Variants in ST8SIA4 observed in about 807,000 individuals in gnomAD.
The protein encoded by ST8SIA4 is ST8 alpha-N-acetyl-neuraminide alpha-2,8-sialyltransferase 4.
Under a neutral mutation model 33.9 loss-of-function variants are expected in ST8SIA4, and 15 were observed. The observed-to-expected ratio is 0.44, with a 90% confidence interval of 0.30 to 0.68. ST8SIA4 has a LOEUF of 0.68. Among genes scored for constraint, ST8SIA4 ranks in the 30% least tolerant of loss-of-function variants. The pLI, the probability that ST8SIA4 is intolerant of heterozygous loss-of-function variation, is 0.10. For missense variants in ST8SIA4, 321 were observed against 428.0 expected, an observed-to-expected ratio of 0.75 and a Z score of 2.21; for synonymous variants, 171 against 151.2, an observed-to-expected ratio of 1.13 and a Z score of -0.96.
Position 100,807,652 on chromosome 5 carries a change from T to C in ST8SIA4, c.*4195A>G, listed in dbSNP as rs1388683238. On this transcript the variant is annotated 3_prime_UTR_variant, in exon 5 of 5. Coordinates refer to ENST00000231461, the MANE Select transcript of ST8SIA4 (RefSeq NM_005668.6). Reference sequence around the variant, plus strand: ...ACATAGAATTCAGTTATAAAGTAGATACCTCTTAAAGCACGTTAGTAACTG... The same window carrying C: ...ACATAGAATTCAGTTATAAAGTAGACACCTCTTAAAGCACGTTAGTAACTG... 2.6e-5 allele frequency: 4 copies of C among 152,540 alleles called. No homozygotes were observed. Among genetic ancestry groups the C allele is most frequent in the Non-Finnish European group, 4.4e-5 (3 of 67,962 alleles). 9.4% of individuals were successfully genotyped at this position (152,540 alleles called of 1,614,324 possible).
In ST8SIA4 at chr5:100,863,748, C is replaced by T. The variant is rs535159162; in HGVS notation, c.504-7352G>A. Among the ~76,000 whole-genome samples the T allele has an allele frequency of 2.0e-4, 30 of 152,236 alleles. 1 individual carries two copies. The East Asian group carries it at 5.6e-3, about 28-fold the overall frequency. ...GAGGTCGCTAAAATGCTATTAATATCTTTAATTTATTTAAATGTAATCTAA... is the reference window on the plus strand; with the variant it reads ...GAGGTCGCTAAAATGCTATTAATATTTTTAATTTATTTAAATGTAATCTAA... On this transcript the variant is annotated intron_variant, in intron 3 of 4. Coordinates refer to ENST00000231461, the MANE Select transcript of ST8SIA4 (RefSeq NM_005668.6).
At chr5:100,888,965 T>C (rs146327383) in intron 2 of ST8SIA4, among the ~76,000 whole-genome samples, 47 of 152,006 alleles carry the variant, frequency 3.1e-4, no homozygotes, top group Middle Eastern at 6.8e-3. Context: ...GAAAATCCTA[T>C]ACAAATGCTC....
At chr5:100,856,511 A>G in intron 3 of ST8SIA4, 115 bp from the exon 4 acceptor site, 2 of 980,392 alleles carry the variant, frequency 2.0e-6, no homozygotes, top group Non-Finnish European at 3.0e-6. Flanking sequence ...TGTGAAAAGA[A>G]AACCAAAAGA....
intron 3 of ST8SIA4, 120 bp from the exon 4 acceptor site, chr5:100,856,516 A>G: frequency 2.1e-6 from 2 of 930,808 alleles, no homozygotes; most frequent in Non-Finnish European, 1.6e-6. Flanking sequence ...AAAGAAAACC[A>G]AAAGATCATC....
intron 3 of ST8SIA4, among the ~76,000 whole-genome samples, chr5:100,870,255 A>T (rs141593467): frequency 0.012 from 1,754 of 152,210 alleles, 32 homozygotes; most frequent in African/African-American, 0.04. Context: ...ATTGATGAAC[A>T]TTTGGGTTGG....
At position 100,811,938 on chromosome 5, in the gene ST8SIA4, G is replaced by A; in HGVS notation, c.989C>T (p.Pro330Leu). ...TTTGAATTCTAATGGCATTCTGTGA[G>A]GGCTTGCATTGGAAAAGTACCTATA... is the stretch of plus-strand genomic sequence containing the variant. The part of the protein sequence containing the change: ...LKYRYFSNAS[P>L]HRMPLEFKTL... Residue 330 changes from proline to leucine, a missense_variant, in exon 5 of 5, where the codon CCT (proline) becomes CTT (leucine). By Grantham distance (98) the Pro-to-Leu change is moderately conservative. Transcript: ENST00000231461. The A allele has an allele frequency of 6.2e-7, 1 of 1,614,058 alleles. No individual in the cohort carries two copies. Among genetic ancestry groups the A allele is most frequent in the Non-Finnish European group, 8.5e-7 (1 of 1,179,972 alleles).
intron 4 of ST8SIA4, among the ~76,000 whole-genome samples, chr5:100,821,103 A>G (rs961728219): frequency 2.0e-5 from 3 of 152,150 alleles, no homozygotes; most frequent in Non-Finnish European, 4.4e-5. Context: ...GAAGGAGTTA[A>G]ATTAGGTTAA....
rs570781307 is a variant in ST8SIA4 at position 100,847,432 on chromosome 5, A to G, written c.797+8671T>C. ...CTGGTCTGATTCAAATCCTTCTGCAAACCCATGACATTCACATGAAGTTAT... is the reference window on the plus strand; with the variant it reads ...CTGGTCTGATTCAAATCCTTCTGCAGACCCATGACATTCACATGAAGTTAT... On this transcript the variant is annotated intron_variant, in intron 4 of 4. Transcript: ENST00000231461. Among the ~76,000 whole-genome samples, 68 of 152,196 alleles carry G rather than the reference A, an allele frequency of 4.5e-4. 1 individual carries two copies. Among genetic ancestry groups the G allele is most frequent in the Admixed American group, 4.5e-3 (68 of 15,262 alleles).
chr5:100,873,650 G>C (rs1024614124), intron 3 of ST8SIA4, among the ~76,000 whole-genome samples: 18 of 152,068 alleles, frequency 1.2e-4, no homozygotes, highest in African/African-American at 3.6e-4. Context: ...TTTCTATGAG[G>C]AACCAGTACT....
chr5:100,900,032 G>T (rs547548339), intron 1 of ST8SIA4, among the ~76,000 whole-genome samples: 3 of 152,326 alleles, frequency 2.0e-5, no homozygotes, highest in South Asian at 2.1e-4. Context: ...GATGGTTGGT[G>T]AGAAGGTTGT....
intron 4 of ST8SIA4, among the ~76,000 whole-genome samples, chr5:100,854,452 G>A (rs770875634): frequency 1.1e-4 from 16 of 151,808 alleles, no homozygotes; most frequent in Non-Finnish European, 8.8e-5. Context: ...GTGTGGTGGC[G>A]GGCACCTGTA....
chr5:100,870,180 C>T (rs1679679377), intron 3 of ST8SIA4, among the ~76,000 whole-genome samples: 1 of 152,138 alleles, frequency 6.6e-6, no homozygotes, highest in Admixed American at 6.5e-5. Flanking sequence ...AGGAACTCAT[C>T]CTTTTTTATG....
chr5:100,860,987 G>C (rs1751926641), intron 3 of ST8SIA4, among the ~76,000 whole-genome samples: 1 of 152,052 alleles, frequency 6.6e-6, no homozygotes, highest in Non-Finnish European at 1.5e-5. Context: ...CAGATCTCTT[G>C]ATAGACAGGA....
At chr5:100,837,458 A>G (rs1219712003) in intron 4 of ST8SIA4, among the ~76,000 whole-genome samples, 3 of 152,018 alleles carry the variant, frequency 2.0e-5, no homozygotes, top group South Asian at 2.1e-4. Flanking sequence ...CCAGTGTGAT[A>G]GAAATGATTT....
At chr5:100,897,972 A>G (rs1232337591) in intron 1 of ST8SIA4, among the ~76,000 whole-genome samples, 2 of 152,198 alleles carry the variant, frequency 1.3e-5, no homozygotes, top group Non-Finnish European at 2.9e-5. Context: ...TAACGTTCAC[A>G]CTTTGGGAGA....
intron 4 of ST8SIA4, among the ~76,000 whole-genome samples, chr5:100,825,698 G>A (rs1040819977): frequency 2.6e-5 from 4 of 152,080 alleles, no homozygotes; most frequent in African/African-American, 9.7e-5. Context: ...ACTGGCTATT[G>A]TAAGGAAAAT....
At chr5:100,873,085 C>G (rs762509667) in intron 3 of ST8SIA4, among the ~76,000 whole-genome samples, 8 of 152,138 alleles carry the variant, frequency 5.3e-5, no homozygotes, top group Non-Finnish European at 1.2e-4. Flanking sequence ...TCATCCAAGA[C>G]CACACTTTGA....
At chr5:100,877,051 A>G (rs1405017812) in intron 3 of ST8SIA4, among the ~76,000 whole-genome samples, 1 of 152,104 alleles carries the variant, frequency 6.6e-6, no homozygotes, top group Non-Finnish European at 1.5e-5. Context: ...TCTTATCCTT[A>G]AGGAGTTACT....
chr5:100,817,583 A>G (rs2112399920), intron 4 of ST8SIA4, among the ~76,000 whole-genome samples: 1 of 152,252 alleles, frequency 6.6e-6, no homozygotes, highest in South Asian at 2.1e-4. Flanking sequence ...CTTTCATTGT[A>G]TTCTAGTCTG....
Sources: gnomAD v4.1 joint callset for allele counts (sites outside exome capture counted in the v4.1 genomes callset) on GRCh38, gnomAD v4.1.1 for gene constraint, MANE v1.5 for transcripts, NCBI Gene and HGNC (gene_info 2026-07-23, HGNC 2026-07-21) for gene names.